OXR1: variants seen among roughly 807,000 people sequenced by gnomAD.
The protein encoded by OXR1 is oxidation resistance protein 1.
A neutral mutation model predicts 104.6 loss-of-function variants in OXR1; 41 were observed. The observed-to-expected ratio is 0.39, with a 90% CI of 0.31 to 0.51. The LOEUF is 0.51. Among genes scored for constraint, OXR1 ranks in the 20% least tolerant of loss-of-function variants. The pLI is 0.77. For synonymous variants in OXR1, 348 were observed against 348.4 expected (o/e 1.00, Z 0.01); for missense variants, 955 against 1,031.9 (o/e 0.93, Z 1.02).
At chr8:106,749,027 G>A (rs1447369694) in intron 16 of OXR1, among the ~76,000 whole-genome samples, 4 of 151,634 alleles carry the variant, frequency 2.6e-5, no homozygotes, top group Non-Finnish European at 4.4e-5. Context: ...CCTTTCTTTT[G>A]TTCTAAGATA....
At chr8:106,298,962 A>G (rs1563702801) in intron 1 of OXR1, among the ~76,000 whole-genome samples, 1 of 151,834 alleles carries the variant, frequency 6.6e-6, no homozygotes, top group Non-Finnish European at 1.5e-5. Flanking sequence ...TTTTGTATGT[A>G]TGTGTGTGTT....
intron 2 of OXR1, among the ~76,000 whole-genome samples, chr8:106,504,987 C>G (rs956875004): frequency 4.6e-5 from 7 of 152,162 alleles, no homozygotes. Flanking sequence ...AGCACAATAC[C>G]AATAAATCAA....
Position 106,626,593 on chromosome 8 carries a change from G to GT in OXR1, c.221-52603dup, listed in dbSNP as rs34772744. Among the ~76,000 whole-genome samples the GT allele has an allele frequency of 2.8e-3, 392 of 141,898 alleles. 3 individuals are homozygous for GT. The highest frequency in any genetic ancestry group is 0.022 in the South Asian group (102 of 4,536). 93.1% of individuals were successfully genotyped at this position (141,898 alleles called of 152,430 possible). A position where few individuals can be genotyped will look rare whatever the true frequency, so the allele number is the denominator to read the frequency against. ...CCTTAAAAGTAGCTCATTTTCTTAG[G>GT]TTTTTTTTTTTTTTAACACTTACAC... On this transcript the variant is annotated intron_variant, in intron 3 of 16. Transcript: ENST00000517566.
rs891470235 is a variant in OXR1 at position 106,456,737 on chromosome 8, C to T, written c.24-62206C>T. 2.0e-5 allele frequency among the ~76,000 whole-genome samples: 3 copies of T among 152,164 alleles called. No individual in the cohort carries two copies. In the South Asian group the frequency reaches 6.2e-4, roughly 32 times the overall value. On this transcript the variant is annotated intron_variant, in intron 2 of 16. Coordinates refer to ENST00000517566, the MANE Select transcript of OXR1 (RefSeq NM_001198533.2). Reference sequence around the variant, plus strand: ...TACCTTTTGAGCGTTGTTAATCCCTCTGCCCAGCTCTTCTTTGAACTGGTC... The same window carrying T: ...TACCTTTTGAGCGTTGTTAATCCCTTTGCCCAGCTCTTCTTTGAACTGGTC...
chr8:106,273,554 A>T (rs1040750342), intron 1 of OXR1, among the ~76,000 whole-genome samples: 1 of 152,236 alleles, frequency 6.6e-6, no homozygotes, highest in African/African-American at 2.4e-5. Context: ...GCCTTCTGCA[A>T]TTATCCAGCC....
intron 1 of OXR1, among the ~76,000 whole-genome samples, chr8:106,320,820 T>C (rs976836991): frequency 6.6e-6 from 1 of 152,150 alleles, no homozygotes; most frequent in Middle Eastern, 3.4e-3. Flanking sequence ...TACAGGCATG[T>C]ACCACCATGC....
At chr8:106,297,754 C>A (rs1667175914) in intron 1 of OXR1, among the ~76,000 whole-genome samples, 1 of 152,094 alleles carries the variant, frequency 6.6e-6, no homozygotes, top group South Asian at 2.1e-4. Flanking sequence ...TTTCTACCAA[C>A]CTTATGATTT....
intron 3 of OXR1, among the ~76,000 whole-genome samples, chr8:106,632,091 A>G (rs989362524): frequency 3.3e-5 from 5 of 152,206 alleles, no homozygotes; most frequent in Non-Finnish European, 7.4e-5. Context: ...TAGATTAGGA[A>G]GACAGAAAGT....
chr8:106,501,141 T>C (rs1055935699), intron 2 of OXR1, among the ~76,000 whole-genome samples: 17 of 152,210 alleles, frequency 1.1e-4, no homozygotes, highest in African/African-American at 4.1e-4. Flanking sequence ...TTCTTTGTTG[T>C]TTTTTTAAGG....
chr8:106,460,707 G>A (rs182318547), intron 2 of OXR1, among the ~76,000 whole-genome samples: 1 of 152,252 alleles, frequency 6.6e-6, no homozygotes, highest in African/African-American at 2.4e-5. Context: ...TCCTTAACAT[G>A]TCTCGTTAAG....
intron 1 of OXR1, among the ~76,000 whole-genome samples, chr8:106,290,835 AT>A (rs1359200780): frequency 6.6e-6 from 1 of 152,196 alleles, no homozygotes; most frequent in Non-Finnish European, 1.5e-5. Flanking sequence ...ATGCTTATAC[AT>A]TGTTGGTGGG....
chr8:106,478,055 T>C (rs1370381357), intron 2 of OXR1, among the ~76,000 whole-genome samples: 1 of 151,864 alleles, frequency 6.6e-6, no homozygotes, highest in Non-Finnish European at 1.5e-5. Context: ...TTCCATATGA[T>C]TGATACAATA....
At chr8:106,389,872 C>A (rs1358632064) in intron 2 of OXR1, among the ~76,000 whole-genome samples, 1 of 152,098 alleles carries the variant, frequency 6.6e-6, no homozygotes. Flanking sequence ...TCGAGACCAG[C>A]CTGACCCACA....
intron 3 of OXR1, among the ~76,000 whole-genome samples, chr8:106,637,245 A>T (rs1823217046): frequency 6.6e-6 from 1 of 152,200 alleles, no homozygotes; most frequent in African/African-American, 2.4e-5. Context: ...ATTTCAAGAT[A>T]CCTAAAATTC....
chr8:106,524,989 G>A (rs1050132280), intron 3 of OXR1, among the ~76,000 whole-genome samples: 1 of 152,156 alleles, frequency 6.6e-6, no homozygotes, highest in Non-Finnish European at 1.5e-5. Flanking sequence ...TCTTGTGTTG[G>A]CATGTCTGTC....
At chr8:106,333,612 A>G (rs1218893089) in intron 1 of OXR1, among the ~76,000 whole-genome samples, 1 of 152,092 alleles carries the variant, frequency 6.6e-6, no homozygotes, top group Non-Finnish European at 1.5e-5. Flanking sequence ...CGTAGTTTTA[A>G]TTCTTACACT....
intron 1 of OXR1, among the ~76,000 whole-genome samples, chr8:106,346,284 G>T (rs530507972): frequency 1.3e-5 from 2 of 152,304 alleles, no homozygotes; most frequent in Admixed American, 1.3e-4. Flanking sequence ...AGTGAAAATT[G>T]TGGAGGCGAT....
chr8:106,460,772 T>G (rs1262388498), intron 2 of OXR1, among the ~76,000 whole-genome samples: 1 of 152,170 alleles, frequency 6.6e-6, no homozygotes, highest in East Asian at 1.9e-4. Context: ...GTACTAGCCA[T>G]GTACACTGGT....
intron 6 of OXR1, among the ~76,000 whole-genome samples, chr8:106,685,828 G>A (rs1828658285): frequency 6.6e-6 from 1 of 152,152 alleles, no homozygotes; most frequent in South Asian, 2.1e-4. Context: ...ACTTGCACAT[G>A]CGTATATAGC....
Sources: allele counts gnomAD v4.1 joint callset (sites outside exome capture counted in the v4.1 genomes callset), GRCh38; gene constraint gnomAD v4.1.1; transcripts MANE v1.5; gene names NCBI Gene and HGNC (gene_info 2026-07-23, HGNC 2026-07-21).